The following SPATA17 variants were observed in gnomAD, a reference collection of about 807,000 sequenced individuals.
SPATA17 encodes the protein spermatogenesis associated 17.
In SPATA17, 53 loss-of-function variants were observed where a neutral mutation model predicts 62.2. The observed-to-expected ratio is 0.85, with a 90% CI of 0.68 to 1.07. The LOEUF is 1.07. Among genes scored for constraint, SPATA17 ranks in the 50% least tolerant of loss-of-function variants. The pLI is 0.00. For missense variants in SPATA17, 466 were observed against 425.5 expected (o/e 1.10, Z -0.84); for synonymous variants, 146 against 146.8 (o/e 0.99, Z 0.04).
intron 9 of SPATA17, among the ~76,000 whole-genome samples, chr1:217,837,684 A>G (rs911151342): frequency 1.3e-5 from 2 of 151,980 alleles, no homozygotes; most frequent in African/African-American, 4.8e-5. Context: ...TACCATCTGC[A>G]TTTTCCCTTT....
chr1:217,775,946 G>A (rs1372406175), intron 7 of SPATA17, among the ~76,000 whole-genome samples: 1 of 151,826 alleles, frequency 6.6e-6, no homozygotes, highest in Admixed American at 6.6e-5. Context: ...TAAAAATATT[G>A]TTATACCACT....
chr1:217,761,231 G>A (rs1456462446), intron 6 of SPATA17, among the ~76,000 whole-genome samples: 1 of 152,032 alleles, frequency 6.6e-6, no homozygotes, highest in Non-Finnish European at 1.5e-5. Flanking sequence ...CTCCTTCTCT[G>A]GTCATTTCTT....
intron 8 of SPATA17, among the ~76,000 whole-genome samples, chr1:217,787,455 G>A (rs764749778): frequency 1.3e-5 from 2 of 151,900 alleles, no homozygotes; most frequent in African/African-American, 4.8e-5. Context: ...CCAGAGATAC[G>A]GAGCTGTTTT....
chr1:217,656,563 T>C (rs895644218), intron 3 of SPATA17, among the ~76,000 whole-genome samples: 2 of 151,940 alleles, frequency 1.3e-5, no homozygotes, highest in East Asian at 3.9e-4. Context: ...TGTATGTATG[T>C]ATGTATGTAT....
intron 6 of SPATA17, among the ~76,000 whole-genome samples, chr1:217,771,738 T>C (rs1250425696): frequency 6.6e-6 from 1 of 152,170 alleles, no homozygotes; most frequent in Non-Finnish European, 1.5e-5. Context: ...AGAATACACA[T>C]GAGGAGGTCT....
chr1:217,637,582 A>G (rs1432627725), intron 1 of SPATA17, among the ~76,000 whole-genome samples: 1 of 152,276 alleles, frequency 6.6e-6, no homozygotes, highest in Admixed American at 6.5e-5. Context: ...AACGGAATAA[A>G]TTTGTTTCTG....
chr1:217,707,059 G>T (rs1338993046), intron 5 of SPATA17, among the ~76,000 whole-genome samples: 2 of 152,036 alleles, frequency 1.3e-5, no homozygotes, highest in Non-Finnish European at 2.9e-5. Flanking sequence ...TAGAGACAGG[G>T]TTTCACCGTA....
chr1:217,821,857 C>A (rs1252051946), intron 9 of SPATA17, among the ~76,000 whole-genome samples: 1 of 152,006 alleles, frequency 6.6e-6, no homozygotes, highest in African/African-American at 2.4e-5. Context: ...AACTCTGCCA[C>A]AAAATGTATG....
intron 8 of SPATA17, among the ~76,000 whole-genome samples, chr1:217,796,660 G>A (rs1674158751): frequency 6.6e-6 from 1 of 152,138 alleles, no homozygotes; most frequent in South Asian, 2.1e-4. Context: ...AGCGCTTATA[G>A]CTATGGTTTG....
At chr1:217,749,943 TTCTCTCTC>T (rs1188300100) in intron 6 of SPATA17, among the ~76,000 whole-genome samples, 1,013 of 41,416 alleles carry the variant, frequency 0.024, 59 homozygotes, top group Middle Eastern at 0.093. Context: ...TGTCATAAGA[TTCTCTCTC>T]TCTCTCTCTC....
intron 4 of SPATA17, among the ~76,000 whole-genome samples, chr1:217,681,235 T>A (rs1671078315): frequency 6.6e-6 from 1 of 151,160 alleles, no homozygotes; most frequent in South Asian, 2.1e-4. Flanking sequence ...CAAAAATAAA[T>A]AAATAAATAA....
chr1:217,697,012 T>G (rs1006448906), intron 5 of SPATA17, among the ~76,000 whole-genome samples: 1 of 152,160 alleles, frequency 6.6e-6, no homozygotes, highest in Non-Finnish European at 1.5e-5. Context: ...TGTTGTTGTT[T>G]TTGTATTCTT....
At chr1:217,842,158 A>G (rs1156332049) in intron 9 of SPATA17, among the ~76,000 whole-genome samples, 1 of 151,980 alleles carries the variant, frequency 6.6e-6, no homozygotes, top group Non-Finnish European at 1.5e-5. Flanking sequence ...TCTTCCTAGA[A>G]TGAACTCTAA....
intron 5 of SPATA17, among the ~76,000 whole-genome samples, chr1:217,721,498 T>C (rs1391614476): frequency 1.3e-5 from 2 of 152,174 alleles, no homozygotes; most frequent in Non-Finnish European, 2.9e-5. Flanking sequence ...CTTAGCTCAC[T>C]AGGCCCTGTG....
At chr1:217,700,762 C>CTTTTT (rs71556698) in intron 5 of SPATA17, among the ~76,000 whole-genome samples, 1 of 134,808 alleles carries the variant, frequency 7.4e-6, no homozygotes, top group African/African-American at 2.8e-5. Flanking sequence ...TTTTCTTTTT[C>CTTTTT]TTTTTTTTTT....
intron 9 of SPATA17, among the ~76,000 whole-genome samples, chr1:217,808,809 C>T (rs575992167): frequency 1.0e-4 from 15 of 150,634 alleles, no homozygotes; most frequent in East Asian, 3.9e-4. Context: ...GAGCTGAGAT[C>T]GCGCCACTGC....
At chr1:217,658,683 G>A (rs1343251778) in intron 3 of SPATA17, among the ~76,000 whole-genome samples, 11 of 151,972 alleles carry the variant, frequency 7.2e-5, no homozygotes, top group Non-Finnish European at 1.3e-4. Flanking sequence ...GCGTGAACCC[G>A]GGAGGTGGAG....
rs575232442 is a variant in SPATA17, at chr1:217,839,275, G to A, written c.1006-23499G>A. Among the ~76,000 whole-genome samples the A allele has an allele frequency of 3.9e-5, 6 of 152,162 alleles. No homozygotes were observed. In the South Asian group the frequency reaches 6.2e-4, roughly 16 times the overall value. ...TCATCAGCCTCTTCTGAAGTCTGAG[G>A]GACCCTGTTTTTTGATGTTTGCATT... On this transcript the variant is annotated intron_variant, in intron 9 of 10. Transcript: ENST00000366933.
chr1:217,780,467 T>C (rs147547006), intron 7 of SPATA17, among the ~76,000 whole-genome samples: 2 of 152,174 alleles, frequency 1.3e-5, no homozygotes, highest in African/African-American at 4.8e-5. Context: ...TAAGCAGGGC[T>C]TCTTCTCTTT....
Sources: allele counts gnomAD v4.1 joint callset (sites outside exome capture counted in the v4.1 genomes callset), GRCh38; gene constraint gnomAD v4.1.1; transcripts MANE v1.5; gene names NCBI Gene and HGNC (gene_info 2026-07-23, HGNC 2026-07-21).